Variants in ZNF83 observed in about 807,000 individuals in gnomAD.
ZNF83 encodes the protein zinc finger protein 816B.
For synonymous variants in ZNF83, 209 were observed against 213.0 expected, an observed-to-expected ratio of 0.98 and a Z score of 0.17; for missense variants, 552 against 629.9, an observed-to-expected ratio of 0.88 and a Z score of 1.32.
At chr19:52,620,240 A>T (rs56137149) in intron 2 of ZNF83, among the ~76,000 whole-genome samples, 20 of 142,220 alleles carry the variant, frequency 1.4e-4, no homozygotes, top group Non-Finnish European at 3.1e-4. Context: ...ATATGTATAT[A>T]TGTGTGTGTA....
chr19:52,675,656 C>T (rs575071437), intron 1 of ZNF83, among the ~76,000 whole-genome samples: 1 of 152,084 alleles, frequency 6.6e-6, no homozygotes, highest in African/African-American at 2.4e-5. Flanking sequence ...TGAAAAGAAA[C>T]AGTATTTGCA....
chr19:52,629,631 T>C (rs1179240271), intron 2 of ZNF83, among the ~76,000 whole-genome samples: 7 of 152,186 alleles, frequency 4.6e-5, no homozygotes, highest in Non-Finnish European at 1.5e-5. Flanking sequence ...GCTAAAGGCA[T>C]AGTCAAGGTT....
chr19:52,664,928 G>A (rs934620322), intron 1 of ZNF83, among the ~76,000 whole-genome samples: 5 of 152,110 alleles, frequency 3.3e-5, no homozygotes, highest in Non-Finnish European at 2.9e-5. Context: ...GTACCTCCCT[G>A]AGAAGTGAAC....
At chr19:52,678,527 T>A (rs2061856853) in intron 1 of ZNF83, among the ~76,000 whole-genome samples, 1 of 151,958 alleles carries the variant, frequency 6.6e-6, no homozygotes, top group Admixed American at 6.6e-5. Flanking sequence ...GGGTGTCTCT[T>A]TTCCTGGTTC....
chr19:52,636,085 C>T (rs185026786), intron 1 of ZNF83: 1 of 151,328 alleles, frequency 6.6e-6, no homozygotes, highest in African/African-American at 2.4e-5. Context: ...TACTTTGAGC[C>T]CAGGATTTTG....
chr19:52,670,326 G>C (rs1409889387), intron 1 of ZNF83, among the ~76,000 whole-genome samples: 1 of 152,118 alleles, frequency 6.6e-6, no homozygotes, highest in Non-Finnish European at 1.5e-5. Context: ...ATTGGAATTA[G>C]ATTAGCCTGT....
intron 1 of ZNF83, among the ~76,000 whole-genome samples, chr19:52,676,292 G>GC (rs2061803532): frequency 6.6e-6 from 1 of 152,188 alleles, no homozygotes; most frequent in South Asian, 2.1e-4. Flanking sequence ...GCTCAATGGT[G>GC]CCCAGGCTGG....
exon 3 of ZNF83, chr19:52,613,463 C>CA: frequency 6.2e-7 from 1 of 1,613,572 alleles, no homozygotes; most frequent in Non-Finnish European, 8.5e-7. Context: ...TTCTCACCGG[C>CA]ATGAATTATC....
chr19:52,684,833 A>T (rs1287713741), intron 1 of ZNF83, among the ~76,000 whole-genome samples: 1 of 152,054 alleles, frequency 6.6e-6, no homozygotes, highest in Non-Finnish European at 1.5e-5. Context: ...GAGTCATGAG[A>T]TGAGGGCAAG....
intron 1 of ZNF83, among the ~76,000 whole-genome samples, chr19:52,687,639 A>ATATATATATATAATGTG (rs2062066893): frequency 2.4e-5 from 1 of 42,152 alleles, no homozygotes; most frequent in Non-Finnish European, 3.8e-5. Flanking sequence ...TAATGTATAT[A>ATATATATATATAATGTG]TATATATATA....
chr19:52,614,417 T>A, exon 3 of ZNF83: 1 of 1,613,694 alleles, frequency 6.2e-7, no homozygotes, highest in African/African-American at 1.3e-5. Flanking sequence ...ACTAAGGAAC[T>A]ACTGTTGACA....
At chr19:52,685,140 A>G (rs2061992922) in intron 1 of ZNF83, among the ~76,000 whole-genome samples, 1 of 152,196 alleles carries the variant, frequency 6.6e-6, no homozygotes. Flanking sequence ...CTCTCCCAGA[A>G]GAAAAGCCAC....
At chr19:52,636,510 T>G (rs2061152662) in intron 1 of ZNF83, 1 of 152,300 alleles carries the variant, frequency 6.6e-6, no homozygotes, top group African/African-American at 2.4e-5. Flanking sequence ...AGAATGTACA[T>G]GTCTTATAGA....
In ZNF83 at chr19:52,638,331, C is replaced by T. The variant is rs1330127182; in HGVS notation, c.-341G>A. On this transcript the variant is annotated 5_prime_UTR_variant, in exon 1 of 3. The change creates a new upstream start codon in the 5' untranslated region. Transcript: ENST00000301096. ...ACTCACCGCCACGGTGTAACTTTCA[C>T]TCCACATAATCCGCTTCCGGGTTTG... is the stretch of plus-strand genomic sequence containing the variant. The T allele has an allele frequency of 6.6e-6, 1 of 152,010 alleles. No individual in the cohort carries two copies. Among genetic ancestry groups the T allele is most frequent in the Non-Finnish European group, 1.5e-5 (1 of 68,002 alleles). The allele number at this position is 152,010 out of a possible 1,614,324, so 9.4% of individuals were successfully genotyped here.
chr19:52,621,595 C>CTGTG (rs1170486423), intron 2 of ZNF83, among the ~76,000 whole-genome samples: 1 of 152,172 alleles, frequency 6.6e-6, no homozygotes, highest in Non-Finnish European at 1.5e-5. Context: ...CCCACTCTCT[C>CTGTG]TGTGTCTCTA....
At chr19:52,672,142 G>A (rs917104338) in intron 1 of ZNF83, among the ~76,000 whole-genome samples, 1 of 152,130 alleles carries the variant, frequency 6.6e-6, no homozygotes, top group Non-Finnish European at 1.5e-5. Flanking sequence ...ATTGAGGCAG[G>A]AGAATCTCTT....
At chr19:52,643,368 A>G (rs2061332728), upstream of ZNF83, among the ~76,000 whole-genome samples, 1 of 151,142 alleles carries the variant, frequency 6.6e-6, no homozygotes, top group African/African-American at 2.4e-5. Flanking sequence ...TAGAAAAAAA[A>G]AAAAAAGGCA....
chr19:52,651,924 A>C (rs764924497), intron 3 of ZNF83: 1 of 174,196 alleles, frequency 5.7e-6, no homozygotes, highest in Admixed American at 6.5e-5. Context: ...CTCAATGTTA[A>C]GTCAACTCAA....
intron 1 of ZNF83, among the ~76,000 whole-genome samples, chr19:52,689,860 G>T (rs927968085): frequency 1.3e-4 from 20 of 152,366 alleles, no homozygotes; most frequent in Admixed American, 2.0e-4. Flanking sequence ...GGGCAGGCAA[G>T]AACACCCCGT....
Sources: gnomAD v4.1 joint callset for allele counts (sites outside exome capture counted in the v4.1 genomes callset) on GRCh38, gnomAD v4.1.1 for gene constraint, MANE v1.5 for transcripts, NCBI Gene and HGNC (gene_info 2026-07-23, HGNC 2026-07-21) for gene names.